The following LRP1B variants were observed in gnomAD, a reference collection of about 807,000 sequenced individuals.
The protein encoded by LRP1B is LDL receptor related protein 1B.
LRP1B carries 217 observed loss-of-function variants against 556.6 expected under a neutral mutation model. The ratio of observed to expected loss-of-function variants is 0.39; its 90% CI spans 0.35 to 0.44. The LOEUF is 0.44. Ranked by LOEUF, LRP1B falls within the 20% of genes least tolerant of loss-of-function variation. The pLI is 1.00. For missense variants in LRP1B, 5,053 were observed against 5,620.8 expected (o/e 0.90, Z 3.23); for synonymous variants, 2,047 against 1,865.8 (o/e 1.10, Z -2.50).
chr2:141,991,287 C>A (rs949272476), intron 1 of LRP1B, among the ~76,000 whole-genome samples: 1 of 152,000 alleles, frequency 6.6e-6, no homozygotes, highest in Non-Finnish European at 1.5e-5. Flanking sequence ...TGGAAAATCT[C>A]TTCTAAATTT....
chr2:141,617,104 C>G (rs1311367111), intron 2 of LRP1B, among the ~76,000 whole-genome samples: 1 of 152,142 alleles, frequency 6.6e-6, no homozygotes, highest in Non-Finnish European at 1.5e-5. Flanking sequence ...GGGTATATCT[C>G]TATAAAATAG....
chr2:141,880,169 G>T (rs886533817), intron 1 of LRP1B, among the ~76,000 whole-genome samples: 1 of 151,872 alleles, frequency 6.6e-6, no homozygotes, highest in Non-Finnish European at 1.5e-5. Flanking sequence ...TCCATCAAGG[G>T]CCAAGTCTTC....
In LRP1B at chr2:140,232,320, C is replaced by G. The variant is rs923932895; in HGVS notation, c.*866G>C. The G allele has an allele frequency of 6.6e-6, 1 of 151,152 alleles. No individual in the cohort carries two copies. The highest frequency in any genetic ancestry group is 2.4e-5 in the African/African-American group (1 of 41,264). 9.4% of individuals were successfully genotyped at this position (151,152 alleles called of 1,614,324 possible). On this transcript the variant is annotated 3_prime_UTR_variant, in exon 91 of 91. Transcript: ENST00000389484. ...TAGTGTAAGGGGTTGGGTTAATCTT[C>G]CACAAAATGGATGTGACTGGGAAGA... is the stretch of plus-strand genomic sequence containing the variant.
chr2:140,498,222 A>G (rs1180538420), intron 55 of LRP1B, among the ~76,000 whole-genome samples: 1 of 151,934 alleles, frequency 6.6e-6, no homozygotes, highest in African/African-American at 2.4e-5. Flanking sequence ...CAAATTATTT[A>G]GAATCTTCTT....
intron 2 of LRP1B, among the ~76,000 whole-genome samples, chr2:141,795,791 T>G (rs1695783448): frequency 6.8e-6 from 1 of 146,458 alleles, no homozygotes; most frequent in Non-Finnish European, 1.5e-5. Flanking sequence ...TTTAATTCAT[T>G]GCATCTAAAA....
At chr2:140,926,177 C>T (rs927754846) in intron 20 of LRP1B, among the ~76,000 whole-genome samples, 3 of 150,576 alleles carry the variant, frequency 2.0e-5, no homozygotes, top group Admixed American at 6.7e-5. Flanking sequence ...GAGTATAGTC[C>T]GAAGAAGAAA....
chr2:141,364,759 T>C (rs1228210093), intron 3 of LRP1B, among the ~76,000 whole-genome samples: 2 of 152,194 alleles, frequency 1.3e-5, no homozygotes, highest in African/African-American at 4.8e-5. Flanking sequence ...GCACAGAATG[T>C]GAAAATGTGA....
chr2:140,514,920 T>C (rs568016498), intron 50 of LRP1B, 148 bp from the exon 51 acceptor site: 267 of 796,848 alleles, frequency 3.4e-4, no homozygotes, highest in Non-Finnish European at 8.4e-5. Flanking sequence ...GACAATTCTA[T>C]AAAATTTTGG....
chr2:141,066,939 C>A (rs1291741896), intron 7 of LRP1B, among the ~76,000 whole-genome samples: 1 of 151,896 alleles, frequency 6.6e-6, no homozygotes, highest in African/African-American at 2.4e-5. Flanking sequence ...TAGGGTCTGG[C>A]AAACCCTCCA....
At chr2:141,139,638 A>T (rs1701581486) in intron 7 of LRP1B, among the ~76,000 whole-genome samples, 2 of 152,060 alleles carry the variant, frequency 1.3e-5, no homozygotes, top group Non-Finnish European at 2.9e-5. Context: ...GTAAAATGAT[A>T]ATGCAATACA....
intron 1 of LRP1B, among the ~76,000 whole-genome samples, chr2:142,067,735 G>A (rs556593094): frequency 2.1e-4 from 32 of 151,470 alleles, no homozygotes; most frequent in Non-Finnish European, 4.3e-4. Flanking sequence ...TTTTCCTCCT[G>A]TACAATATTG....
intron 1 of LRP1B, among the ~76,000 whole-genome samples, chr2:141,834,915 T>C (rs1162232989): frequency 2.0e-5 from 3 of 151,966 alleles, no homozygotes; most frequent in Admixed American, 6.6e-5. Flanking sequence ...ATGTATTTAC[T>C]TGTGATATTT....
At chr2:141,486,819 T>C (rs957517565) in intron 2 of LRP1B, among the ~76,000 whole-genome samples, 1 of 149,910 alleles carries the variant, frequency 6.7e-6, no homozygotes, top group Admixed American at 6.7e-5. Context: ...AAAAATTTAC[T>C]TTTAAACTTC....
intron 7 of LRP1B, among the ~76,000 whole-genome samples, chr2:141,143,719 G>A (rs182107008): frequency 3.9e-5 from 6 of 152,136 alleles, no homozygotes; most frequent in African/African-American, 1.2e-4. Context: ...AACCACTAGA[G>A]CAGAAAATTC....
At chr2:142,047,617 G>A (rs1189025928) in intron 1 of LRP1B, among the ~76,000 whole-genome samples, 1 of 151,780 alleles carries the variant, frequency 6.6e-6, no homozygotes, top group African/African-American at 2.4e-5. Context: ...TATTTCCTAT[G>A]TCTTTCTGGG....
intron 5 of LRP1B, among the ~76,000 whole-genome samples, chr2:141,232,402 T>C (rs1178977219): frequency 6.6e-6 from 1 of 152,220 alleles, no homozygotes; most frequent in Admixed American, 6.5e-5. Context: ...GAAAGCATCC[T>C]TGCTGCAAAG....
chr2:140,527,415 C>A (rs933287549), intron 47 of LRP1B, among the ~76,000 whole-genome samples: 3 of 151,812 alleles, frequency 2.0e-5, no homozygotes, highest in African/African-American at 7.2e-5. Flanking sequence ...ATATCAATCA[C>A]AAATGGTTAA....
chr2:140,605,211 CA>C (rs1251299922), intron 41 of LRP1B, among the ~76,000 whole-genome samples: 1 of 152,124 alleles, frequency 6.6e-6, no homozygotes, highest in African/African-American at 2.4e-5. Context: ...ATTATATCAC[CA>C]GTATAAAGCA....
chr2:140,445,260 C>T (rs1048957830), intron 63 of LRP1B, among the ~76,000 whole-genome samples: 11 of 151,930 alleles, frequency 7.2e-5, no homozygotes, highest in African/African-American at 1.5e-4. Context: ...GGATTACAGG[C>T]GCCCACCATC....
Sources: allele counts gnomAD v4.1 joint callset (sites outside exome capture counted in the v4.1 genomes callset), GRCh38; gene constraint gnomAD v4.1.1; transcripts MANE v1.5; gene names NCBI Gene and HGNC (gene_info 2026-07-23, HGNC 2026-07-21).